The following LRRC3C variants were observed in gnomAD, a reference collection of about 807,000 sequenced individuals.
LRRC3C encodes the protein leucine rich repeat containing 3C, also known as leucine-rich repeat-containing protein 3C.
A neutral mutation model predicts 14.8 loss-of-function variants in LRRC3C; 11 were observed. That is an observed-to-expected ratio of 0.74 (90% CI 0.47 to 1.23). The LOEUF is 1.23. Ranked by LOEUF, LRRC3C falls within the 50% of genes most tolerant of loss-of-function variation. LRRC3C has a pLI of 0.00. For synonymous variants in LRRC3C, 149 were observed against 161.5 expected (o/e 0.92, Z 0.59); for missense variants, 354 against 361.8 (o/e 0.98, Z 0.18).
rs1046543095 is a variant in LRRC3C at position 39,944,958 on chromosome 17, CTG to C, written c.*227_*228del. ...TGCCTGGAGTTTTTTGGTGCCTACT[CTG>C]TGCCTGGATTGTGCTAGACTCAGAA... On this transcript the variant is annotated 3_prime_UTR_variant, in exon 4 of 4. Coordinates refer to ENST00000377924, the MANE Select transcript of LRRC3C (RefSeq NM_001195545.2). Among the ~76,000 whole-genome samples, 20 of 151,866 alleles carry C rather than the reference CTG, an allele frequency of 1.3e-4. No homozygotes were observed. The highest frequency in any genetic ancestry group is 4.6e-4 in the African/African-American group (19 of 41,312).
At chr17:39,931,174 C>T (rs1407156365) in intron 1 of LRRC3C, among the ~76,000 whole-genome samples, 8 of 141,594 alleles carry the variant, frequency 5.6e-5, no homozygotes, top group Non-Finnish European at 9.1e-5. Flanking sequence ...TGGCTGGGTG[C>T]GTTGGATCAC....
In LRRC3C at chr17:39,944,271, C is replaced by T. The variant is rs746863538; in HGVS notation, c.365C>T (p.Ala122Val). ...GCCCTTGCCCACCTCTCAGGGGCGGCTTTCCAGGGCCTGGAGGGCACATTG... is the reference window on the plus strand; with the variant it reads ...GCCCTTGCCCACCTCTCAGGGGCGGTTTTCCAGGGCCTGGAGGGCACATTG... ...HNALAHLSGAAFQGLEGTLRH... is the reference protein window; with the variant it reads ...HNALAHLSGAVFQGLEGTLRH... The change falls in exon 4 of 4, where the codon GCT becomes GTT. Residue 122 changes from alanine to valine, a missense_variant. Coordinates refer to ENST00000377924, the MANE Select transcript of LRRC3C (RefSeq NM_001195545.2). 1.3e-6 allele frequency: 2 copies of T among 1,534,878 alleles called. No homozygotes were observed. Among genetic ancestry groups the T allele is most frequent in the South Asian group, 1.2e-5 (1 of 83,846 alleles).
chr17:39,942,883 C>T (rs1278238505), intron 3 of LRRC3C, among the ~76,000 whole-genome samples: 1 of 152,166 alleles, frequency 6.6e-6, no homozygotes, highest in Non-Finnish European at 1.5e-5. Context: ...CCCAGTTCTG[C>T]CCGCCAGGCC....
chr17:39,932,015 TTAATGA>T (rs1032507449), intron 1 of LRRC3C, among the ~76,000 whole-genome samples: 52 of 152,198 alleles, frequency 3.4e-4, no homozygotes, highest in Admixed American at 1.9e-3. Context: ...TGCATATACG[TTAATGA>T]TTAAGATAAG....
Position 39,943,974 on chromosome 17 carries a change from T to A in LRRC3C, c.68T>A (p.Leu23His). 6.5e-7 allele frequency: 1 copy of A among 1,536,110 alleles called. No individual in the cohort carries two copies. Among genetic ancestry groups the A allele is most frequent in the Non-Finnish European group, 8.7e-7 (1 of 1,146,878 alleles). ...GGACTATGCCAATTTATGGCCATGCTCCCAACAGCAGGTCACCTCCTGCCC... is the reference window on the plus strand; with the variant it reads ...GGACTATGCCAATTTATGGCCATGCACCCAACAGCAGGTCACCTCCTGCCC... ...TPGLCQFMAMLPTAGHLLPLL... is the reference protein window; with the variant it reads ...TPGLCQFMAMHPTAGHLLPLL... Residue 23 changes from leucine to histidine, a missense_variant, in exon 4 of 4, where the codon CTC becomes CAC. Physicochemically the swap from Leu to His is moderately conservative, Grantham distance 99 (BLOSUM62 -3). Coordinates refer to ENST00000377924, the MANE Select transcript of LRRC3C (RefSeq NM_001195545.2).
intron 1 of LRRC3C, among the ~76,000 whole-genome samples, chr17:39,931,445 CA>C (rs58318948): frequency 0.071 from 5,295 of 74,838 alleles, 69 homozygotes; most frequent in African/African-American, 0.14. Flanking sequence ...GACTTCGTCT[CA>C]AAAAAAAAAA....
intron 1 of LRRC3C, chr17:39,929,014 G>A (rs997444856): frequency 6.6e-6 from 1 of 152,240 alleles, no homozygotes; most frequent in Admixed American, 6.5e-5. Flanking sequence ...CTCTGCCTAT[G>A]TCCTGTGGAA....
intron 2 of LRRC3C, among the ~76,000 whole-genome samples, chr17:39,938,101 C>T (rs1485379822): frequency 3.9e-5 from 6 of 152,252 alleles, no homozygotes; most frequent in South Asian, 4.1e-4. Flanking sequence ...CACTGCACTC[C>T]AGCCTGGGCG....
chr17:39,936,331 T>G (rs1363350112), intron 2 of LRRC3C, among the ~76,000 whole-genome samples: 1 of 152,200 alleles, frequency 6.6e-6, no homozygotes, highest in East Asian at 1.9e-4. Context: ...TCCCAGGCAC[T>G]TCACAGGCCA....
chr17:39,932,454 A>AG (rs1352671611), intron 1 of LRRC3C, among the ~76,000 whole-genome samples: 1 of 152,138 alleles, frequency 6.6e-6, no homozygotes, highest in African/African-American at 2.4e-5. Flanking sequence ...CTGTAATCCC[A>AG]GCACTTTGGG....
chr17:39,938,355 C>T (rs1356436709), intron 2 of LRRC3C, among the ~76,000 whole-genome samples: 1 of 151,952 alleles, frequency 6.6e-6, no homozygotes, highest in South Asian at 2.1e-4. Context: ...TCAACCCTCC[C>T]TTTATGCTTT....
chr17:39,944,440 G>A lies in LRRC3C; in HGVS notation c.534G>A (p.Val178=). 7 of 1,489,444 alleles carry A rather than the reference G, an allele frequency of 4.7e-6. No homozygotes were observed. The highest frequency in any genetic ancestry group is 6.2e-6 in the Non-Finnish European group (7 of 1,121,704). 92.3% of individuals were successfully genotyped at this position (1,489,444 alleles called of 1,614,324 possible). Residue 178 remains valine (V), a synonymous_variant, in exon 4 of 4, where the codon GTG becomes GTA. Coordinates refer to ENST00000377924, the MANE Select transcript of LRRC3C (RefSeq NM_001195545.2). ...AAGTGCTCCGGCAGGTGAGGCTGGT[G>A]CCGGGCACTGGGACAGGCATCGTGT... The part of the protein sequence containing the change: ...LQEVLRQVRL[V]PGTGTGIVCG...
chr17:39,933,463 G>A (rs913948545), intron 1 of LRRC3C, among the ~76,000 whole-genome samples: 8 of 152,264 alleles, frequency 5.3e-5, no homozygotes, highest in Non-Finnish European at 7.4e-5. Flanking sequence ...AGCTGGGTGC[G>A]ATGGCTCACG....
intron 3 of LRRC3C, among the ~76,000 whole-genome samples, chr17:39,943,722 C>A (rs1978996267): frequency 6.6e-6 from 1 of 152,168 alleles, no homozygotes; most frequent in Non-Finnish European, 1.5e-5. Flanking sequence ...GTGCAAGAGA[C>A]CCTTTACCCA....
Position 39,935,786 on chromosome 17 carries a change from T to C in LRRC3C, c.-174-16T>C. On this transcript the variant is annotated splice_polypyrimidine_tract_variant and intron_variant, in intron 1 of 3. Coordinates refer to ENST00000377924, the MANE Select transcript of LRRC3C (RefSeq NM_001195545.2). ...AGCATGAAGTGTATGTATACACCCC[T>C]TGCTCTTTTCTACAGGGAACAACAA... 2.0e-6 allele frequency: 2 copies of C among 979,386 alleles called. No individual in the cohort carries two copies. The highest frequency in any genetic ancestry group is 2.4e-6 in the Non-Finnish European group (2 of 824,448). The allele number at this position is 979,386 out of a possible 1,614,324, so 60.7% of individuals were successfully genotyped here.
intron 3 of LRRC3C, among the ~76,000 whole-genome samples, chr17:39,941,919 C>T (rs138981440): frequency 1.1e-4 from 17 of 152,202 alleles, no homozygotes; most frequent in Non-Finnish European, 2.1e-4. Context: ...ATCCCAGCAC[C>T]GAACTGGAGA....
chr17:39,930,809 G>A (rs1452123214), intron 1 of LRRC3C, among the ~76,000 whole-genome samples: 1 of 151,658 alleles, frequency 6.6e-6, no homozygotes, highest in Non-Finnish European at 1.5e-5. Context: ...ATGTTTAGGC[G>A]TGATATGGAA....
Position 39,941,495 on chromosome 17 carries a change from A to T in LRRC3C, c.-29A>T, listed in dbSNP as rs1978939742. The T allele has an allele frequency of 6.5e-7, 1 of 1,534,946 alleles. No homozygotes were observed. The highest frequency in any genetic ancestry group is 2.0e-5 in the Admixed American group (1 of 50,946). On this transcript the variant is annotated 5_prime_UTR_variant, in exon 3 of 4. Coordinates refer to ENST00000377924, the MANE Select transcript of LRRC3C (RefSeq NM_001195545.2). The stretch of plus-strand genomic sequence containing the variant: ...CACCCATAGTCTTCCAAAATCCAGC[A>T]AGAAAAATCCTTCTCAGAAAGGTCT...
intron 2 of LRRC3C, among the ~76,000 whole-genome samples, chr17:39,940,020 T>C (rs1010914485): frequency 1.3e-5 from 2 of 152,202 alleles, no homozygotes; most frequent in South Asian, 4.1e-4. Flanking sequence ...TGCTCAGCTT[T>C]CTGTCCCACA....
Sources: gnomAD v4.1 joint callset for allele counts (sites outside exome capture counted in the v4.1 genomes callset) on GRCh38, gnomAD v4.1.1 for gene constraint, MANE v1.5 for transcripts, NCBI Gene and HGNC (gene_info 2026-07-23, HGNC 2026-07-21) for gene names.